The following GRM3 variants were observed in gnomAD, a reference collection of about 807,000 sequenced individuals.
The protein encoded by GRM3 is glutamate metabotropic receptor 3.
A neutral mutation model predicts 70.5 loss-of-function variants in GRM3; 26 were observed. That is an observed-to-expected ratio of 0.37 (90% CI 0.27 to 0.51). GRM3 has a LOEUF of 0.51. Ranked by LOEUF, GRM3 falls within the 20% of genes least tolerant of loss-of-function variation. The pLI is 0.93. For missense variants in GRM3, 859 were observed against 1,123.8 expected (o/e 0.76, Z 3.37); for synonymous variants, 443 against 434.9 (o/e 1.02, Z -0.23).
chr7:86,655,695 T>C (rs1027329456), intron 1 of GRM3, among the ~76,000 whole-genome samples: 1 of 152,146 alleles, frequency 6.6e-6, no homozygotes, highest in African/African-American at 2.4e-5. Context: ...TTGTCACTCT[T>C]ACTAACTCAA....
chr7:86,798,374 C>A (rs1797605818), intron 3 of GRM3, among the ~76,000 whole-genome samples: 2 of 152,190 alleles, frequency 1.3e-5, no homozygotes, highest in Non-Finnish European at 2.9e-5. Context: ...CCACCTCTTG[C>A]ATGAGCTTGA....
intron 3 of GRM3, among the ~76,000 whole-genome samples, chr7:86,824,703 T>G (rs1798196074): frequency 6.6e-6 from 1 of 152,212 alleles, no homozygotes; most frequent in African/African-American, 2.4e-5. Flanking sequence ...CAAGGATGAC[T>G]GTGGGTGAAG....
At chr7:86,766,884 T>G (rs1215965642) in intron 2 of GRM3, among the ~76,000 whole-genome samples, 2 of 152,128 alleles carry the variant, frequency 1.3e-5, no homozygotes, top group African/African-American at 4.8e-5. Context: ...TGGAATAACC[T>G]TCTTTCTCTA....
intron 1 of GRM3, among the ~76,000 whole-genome samples, chr7:86,692,187 A>T (rs754704249): frequency 2.6e-4 from 40 of 152,180 alleles, no homozygotes; most frequent in Admixed American, 1.3e-3. Context: ...ACATAGCCAT[A>T]CTTTGGGCTT....
At chr7:86,799,284 G>A (rs1013810445) in intron 3 of GRM3, among the ~76,000 whole-genome samples, 3 of 152,124 alleles carry the variant, frequency 2.0e-5, no homozygotes, top group African/African-American at 7.2e-5. Context: ...AAAGATCATG[G>A]CATCTGCAAA....
At chr7:86,769,801 A>G (rs148741315) in intron 2 of GRM3, among the ~76,000 whole-genome samples, 42 of 152,276 alleles carry the variant, frequency 2.8e-4, no homozygotes, top group Admixed American at 2.0e-4. Flanking sequence ...AAACAACAGT[A>G]TTGATTTCTT....
At chr7:86,851,193 C>T (rs1481489019) in intron 5 of GRM3, among the ~76,000 whole-genome samples, 1 of 152,112 alleles carries the variant, frequency 6.6e-6, no homozygotes, top group Non-Finnish European at 1.5e-5. Flanking sequence ...TCCCGTGGAA[C>T]ACACCTTGGA....
chr7:86,756,833 T>C lies in GRM3; in HGVS notation c.-140-8173T>C, dbSNP rs528598593. On this transcript the variant is annotated intron_variant, in intron 1 of 5. Transcript: ENST00000361669. ...TTCTGAAACATTAATTTTGCATGTGTTAGACTACTAAATATTGTCCAACTG... is the reference window on the plus strand; with the variant it reads ...TTCTGAAACATTAATTTTGCATGTGCTAGACTACTAAATATTGTCCAACTG... Among the ~76,000 whole-genome samples the C allele has an allele frequency of 8.8e-4, 134 of 152,294 alleles. 1 individual carries two copies. Among genetic ancestry groups the C allele is most frequent in the African/African-American group, 3.1e-3 (129 of 41,578 alleles).
At chr7:86,665,775 A>G (rs1159586232) in intron 1 of GRM3, among the ~76,000 whole-genome samples, 2 of 152,042 alleles carry the variant, frequency 1.3e-5, no homozygotes, top group African/African-American at 4.8e-5. Context: ...TAATGCAGAA[A>G]ATTTCCTGGC....
chr7:86,782,330 T>G (rs1475841996), intron 2 of GRM3, among the ~76,000 whole-genome samples: 2 of 59,682 alleles, frequency 3.4e-5, no homozygotes, highest in South Asian at 4.0e-4. Context: ...TATGGGGTGG[T>G]TTTTTTTTTT....
intron 3 of GRM3, among the ~76,000 whole-genome samples, chr7:86,826,356 G>A (rs1017984921): frequency 6.6e-6 from 1 of 152,202 alleles, no homozygotes; most frequent in Non-Finnish European, 1.5e-5. Flanking sequence ...TCCTGCTGCA[G>A]ACAAGAATTT....
At chr7:86,663,343 A>T (rs73704984) in intron 1 of GRM3, among the ~76,000 whole-genome samples, 2,534 of 152,096 alleles carry the variant, frequency 0.017, 79 homozygotes, top group African/African-American at 0.056. Context: ...GGCAAGTTAG[A>T]TAAGAAAATT....
intron 2 of GRM3, among the ~76,000 whole-genome samples, chr7:86,775,724 C>G (rs1245532245): frequency 6.6e-6 from 1 of 152,094 alleles, no homozygotes; most frequent in Non-Finnish European, 1.5e-5. Context: ...AAATAGGGAA[C>G]TACCTACTAT....
At chr7:86,841,340 C>A (rs1034954695) in intron 4 of GRM3, among the ~76,000 whole-genome samples, 1 of 152,026 alleles carries the variant, frequency 6.6e-6, no homozygotes, top group African/African-American at 2.4e-5. Flanking sequence ...TGGGGCAAGA[C>A]TACCTATAAA....
chr7:86,713,805 A>G (rs776214821), intron 1 of GRM3, among the ~76,000 whole-genome samples: 16 of 152,028 alleles, frequency 1.1e-4, no homozygotes, highest in Non-Finnish European at 2.2e-4. Flanking sequence ...GAATTATTAA[A>G]TTAGTATATA....
chr7:86,783,766 T>C, intron 2 of GRM3, among the ~76,000 whole-genome samples: 1 of 152,210 alleles, frequency 6.6e-6, no homozygotes, highest in Non-Finnish European at 1.5e-5. Context: ...TAAAATTACT[T>C]CAATACTTCA....
In GRM3 at chr7:86,783,513, T is replaced by TTG. The variant is rs3831547; in HGVS notation, c.469-2730_469-2729dup. ...TGACTATCAAAAGAGCAAAATATGT[T>TTG]TGTGTGTGTGTGTGTGTGTATGTAC... On this transcript the variant is annotated intron_variant, in intron 2 of 5. Transcript: ENST00000361669. 6.7e-3 allele frequency among the ~76,000 whole-genome samples: 1,009 copies of TTG among 151,068 alleles called. 12 individuals carry two copies. Among genetic ancestry groups the TTG allele is most frequent in the African/African-American group, 0.02 (826 of 41,242 alleles).
intron 1 of GRM3, among the ~76,000 whole-genome samples, chr7:86,722,585 T>TCCTTCC (rs1795494992): frequency 5.4e-5 from 6 of 110,328 alleles, no homozygotes; most frequent in South Asian, 3.4e-4. Context: ...CAGGGGGGCA[T>TCCTTCC]CACACACTGG....
At chr7:86,848,480 C>T (rs1798698235) in intron 4 of GRM3, among the ~76,000 whole-genome samples, 1 of 152,122 alleles carries the variant, frequency 6.6e-6, no homozygotes, top group Admixed American at 6.6e-5. Context: ...AGGGCGTTTT[C>T]ATCTTTCATG....
Sources: gnomAD v4.1 joint callset for allele counts (sites outside exome capture counted in the v4.1 genomes callset) on GRCh38, gnomAD v4.1.1 for gene constraint, MANE v1.5 for transcripts, NCBI Gene and HGNC (gene_info 2026-07-23, HGNC 2026-07-21) for gene names.